The following AOAH variants were observed in gnomAD, a reference collection of about 807,000 sequenced individuals.
The protein encoded by AOAH is acyloxyacyl hydrolase (neutrophil).
A neutral mutation model predicts 92.2 loss-of-function variants in AOAH; 64 were observed. That is an observed-to-expected ratio of 0.69 (90% CI 0.57 to 0.86). AOAH has a LOEUF of 0.86. AOAH is among the 40% of genes least tolerant of loss of function. The pLI is 0.00. For synonymous variants in AOAH, 263 were observed against 254.5 expected, an observed-to-expected ratio of 1.03 and a Z score of -0.32; for missense variants, 656 against 694.6, an observed-to-expected ratio of 0.94 and a Z score of 0.62.
intron 1 of AOAH, among the ~76,000 whole-genome samples, chr7:36,717,589 C>T (rs962138756): frequency 8.7e-5 from 13 of 149,300 alleles, no homozygotes; most frequent in South Asian, 4.4e-4. Flanking sequence ...GGCGAGGCAC[C>T]GGGAGAGAGA....
Position 36,602,956 on chromosome 7 carries a change from A to C in AOAH, c.847-8526T>G, listed in dbSNP as rs1790717478. On this transcript the variant is annotated intron_variant, in intron 11 of 20. Coordinates refer to ENST00000617537, the MANE Select transcript of AOAH (RefSeq NM_001637.4). ...CAAGAGGCTGTCCCAAAACCTTGCC[A>C]TTCCACCCCTCTGGGCATACACATC... is the stretch of plus-strand genomic sequence containing the variant. 2.0e-5 allele frequency among the ~76,000 whole-genome samples: 3 copies of C among 152,050 alleles called. No homozygotes were observed. In the South Asian group the frequency reaches 6.2e-4, roughly 32 times the overall value.
At chr7:36,678,600 T>TGTGCGTGCGC (rs549317369) in intron 2 of AOAH, among the ~76,000 whole-genome samples, 1 of 131,034 alleles carries the variant, frequency 7.6e-6, no homozygotes, top group Admixed American at 7.7e-5. Flanking sequence ...TGTGTGTGTG[T>TGTGCGTGCGC]GCGCGCGCGC....
At chr7:36,517,167 T>TTTCTTTCTTTCTTTCTTTCTTTCTTTCC (rs1783779361) in intron 20 of AOAH, among the ~76,000 whole-genome samples, 2 of 48,228 alleles carry the variant, frequency 4.1e-5, no homozygotes, top group South Asian at 1.9e-3. Context: ...TCTTTCTTTC[T>TTTCTTTCTTTCTTTCTTTCTTTCTTTCC]TTCTTTCTTT....
intron 3 of AOAH, among the ~76,000 whole-genome samples, chr7:36,668,448 C>T (rs10243453): frequency 0.6 from 91,587 of 152,086 alleles, 27,829 homozygotes; most frequent in South Asian, 0.66. Context: ...TCCCCACTTT[C>T]GGAGGCAGCT....
At chr7:36,698,993 T>C (rs1797879057) in intron 1 of AOAH, among the ~76,000 whole-genome samples, 1 of 148,602 alleles carries the variant, frequency 6.7e-6, no homozygotes. Flanking sequence ...TGCTAACCAC[T>C]ACTACTCTAT....
In AOAH at chr7:36,666,747, C is replaced by T. The variant is rs187488482; in HGVS notation, c.290+7196G>A. On this transcript the variant is annotated intron_variant, in intron 3 of 20. Coordinates refer to ENST00000617537, the MANE Select transcript of AOAH (RefSeq NM_001637.4). ...TAAGCACTGCTTTCACTTCATCACA[C>T]GAATTTTGATAAGTTTTATTTTCAA... Among the ~76,000 whole-genome samples, 1,024 of 152,134 alleles carry T rather than the reference C, an allele frequency of 6.7e-3. 4 individuals carry two copies. Among genetic ancestry groups the T allele is most frequent in the African/African-American group, 0.011 (467 of 41,540 alleles).
At chr7:36,713,543 C>T (rs1798918619) in intron 1 of AOAH, among the ~76,000 whole-genome samples, 1 of 152,190 alleles carries the variant, frequency 6.6e-6, no homozygotes, top group Non-Finnish European at 1.5e-5. Flanking sequence ...CAGCACCACA[C>T]CACACCTATT....
In AOAH at chr7:36,645,934, A is replaced by G. The variant is rs189484357; in HGVS notation, c.391-8024T>C. Among the ~76,000 whole-genome samples, 203 of 152,244 alleles carry G rather than the reference A, an allele frequency of 1.3e-3. 2 individuals carry two copies. Among genetic ancestry groups the G allele is most frequent in the African/African-American group, 4.7e-3 (197 of 41,552 alleles). On this transcript the variant is annotated intron_variant, in intron 4 of 20. Coordinates refer to ENST00000617537, the MANE Select transcript of AOAH (RefSeq NM_001637.4). Reference sequence around the variant, plus strand: ...TAGGCTAATTTTGCATTGTATAGCTATTAGTATCATCAGAGTATTTAATCA... The same window carrying G: ...TAGGCTAATTTTGCATTGTATAGCTGTTAGTATCATCAGAGTATTTAATCA...
intron 3 of AOAH, among the ~76,000 whole-genome samples, chr7:36,670,116 T>C (rs980257158): frequency 1.3e-5 from 2 of 152,154 alleles, no homozygotes; most frequent in African/African-American, 4.8e-5. Flanking sequence ...GGAAATGTAA[T>C]TGCTGCACAA....
intron 11 of AOAH, 44 bp downstream of exon 11, chr7:36,616,336 C>T: frequency 6.6e-7 from 1 of 1,525,646 alleles, no homozygotes; most frequent in Non-Finnish European, 9.1e-7. Context: ...GAAACAAAAA[C>T]AAAGGCCAGC....
intron 16 of AOAH, among the ~76,000 whole-genome samples, chr7:36,533,510 C>T (rs1784821094): frequency 6.6e-6 from 1 of 152,140 alleles, no homozygotes; most frequent in Non-Finnish European, 1.5e-5. Context: ...TCACAGTGAC[C>T]CGCCAGGTCT....
At chr7:36,651,669 T>C (rs1426530701) in intron 4 of AOAH, among the ~76,000 whole-genome samples, 2 of 152,228 alleles carry the variant, frequency 1.3e-5, no homozygotes, top group Admixed American at 6.5e-5. Context: ...CTCCAGAATC[T>C]ATGCTAAACA....
chr7:36,578,725 ATTTC>A (rs58458005), intron 12 of AOAH, among the ~76,000 whole-genome samples: 1,572 of 152,212 alleles, frequency 0.01, 22 homozygotes, highest in African/African-American at 0.036. Context: ...TTGCTTTCTA[ATTTC>A]TTTCTAACTT....
intron 7 of AOAH, among the ~76,000 whole-genome samples, chr7:36,622,619 T>C (rs1341414218): frequency 6.6e-6 from 1 of 152,166 alleles, no homozygotes; most frequent in Non-Finnish European, 1.5e-5. Context: ...AGTTCCAAAA[T>C]AATTCACAAA....
At chr7:36,649,859 C>T (rs1314914828) in intron 4 of AOAH, among the ~76,000 whole-genome samples, 1 of 152,226 alleles carries the variant, frequency 6.6e-6, no homozygotes, top group Admixed American at 6.5e-5. Context: ...GTGAGGCGCC[C>T]ATTGCCGCTC....
At chr7:36,534,204 C>G (rs1784870944) in intron 16 of AOAH, among the ~76,000 whole-genome samples, 1 of 152,238 alleles carries the variant, frequency 6.6e-6, no homozygotes, top group Non-Finnish European at 1.5e-5. Context: ...CCTGGCCTTG[C>G]TCCACGCTGC....
Position 36,690,782 on chromosome 7 carries a change from G to A in AOAH, c.128-3988C>T, listed in dbSNP as rs180748271. Reference sequence around the variant, plus strand: ...GTATCTGAAAATAATGAGTACAATAGAAACAGACACTCCTGGTAGCACAGG... The same window carrying A: ...GTATCTGAAAATAATGAGTACAATAAAAACAGACACTCCTGGTAGCACAGG... On this transcript the variant is annotated intron_variant, in intron 1 of 20. Transcript: ENST00000617537. Among the ~76,000 whole-genome samples the A allele has an allele frequency of 4.8e-3, 736 of 152,196 alleles. 7 individuals are homozygous for A. Among genetic ancestry groups the A allele is most frequent in the African/African-American group, 0.017 (703 of 41,512 alleles).
At chr7:36,535,069 C>CGTGTGTGTGTGTGT (rs1227577288) in intron 16 of AOAH, among the ~76,000 whole-genome samples, 1 of 26,800 alleles carries the variant, frequency 3.7e-5, no homozygotes, top group Admixed American at 3.5e-4. Context: ...TGTGTGTATC[C>CGTGTGTGTGTGTGT]GTGTGTGTCT....
rs542912590 is a variant in AOAH at position 36,529,546 on chromosome 7, G to C, written c.1522+872C>G. ...GTGAATGTAATATTTGATAATTCAT[G>C]ATGGCCATCTGCTCCAACCCAGATG... On this transcript the variant is annotated intron_variant, in intron 19 of 20. Coordinates refer to ENST00000617537, the MANE Select transcript of AOAH (RefSeq NM_001637.4). 2.0e-5 allele frequency among the ~76,000 whole-genome samples: 3 copies of C among 151,180 alleles called. No individual in the cohort carries two copies. The South Asian group carries it at 6.4e-4, about 32-fold the overall frequency.
Sources: gnomAD v4.1 joint callset for allele counts (sites outside exome capture counted in the v4.1 genomes callset) on GRCh38, gnomAD v4.1.1 for gene constraint, MANE v1.5 for transcripts, NCBI Gene and HGNC (gene_info 2026-07-23, HGNC 2026-07-21) for gene names.